The following GPM6A variants were observed in gnomAD, a reference collection of about 807,000 sequenced individuals.
GPM6A encodes the protein neuronal membrane glycoprotein M6-a.
Under a neutral mutation model 32.1 loss-of-function variants are expected in GPM6A, and 7 were observed. The ratio of observed to expected loss-of-function variants is 0.22; its 90% CI spans 0.12 to 0.41. The LOEUF is 0.41. Among genes scored for constraint, GPM6A ranks in the 10% least tolerant of loss-of-function variants. The pLI, the probability that GPM6A is intolerant of heterozygous loss-of-function variation, is 1.00. For synonymous variants in GPM6A, 130 were observed against 123.4 expected (o/e 1.05, Z -0.35); for missense variants, 235 against 347.2 (o/e 0.68, Z 2.57).
intron 1 of GPM6A, among the ~76,000 whole-genome samples, chr4:175,970,535 A>C (rs563077874): frequency 6.6e-6 from 1 of 152,352 alleles, no homozygotes; most frequent in African/African-American, 2.4e-5. Context: ...CAAGGAATAC[A>C]CAGAAAGAGT....
intron 2 of GPM6A, among the ~76,000 whole-genome samples, chr4:175,675,189 C>T (rs1330424482): frequency 6.6e-6 from 1 of 151,016 alleles, no homozygotes; most frequent in Non-Finnish European, 1.5e-5. Flanking sequence ...ATTCATAGTC[C>T]TAGGTGTAGC....
chr4:175,806,077 A>G (rs1409143690), intron 1 of GPM6A: 1 of 152,212 alleles, frequency 6.6e-6, no homozygotes, highest in Non-Finnish European at 1.5e-5. Flanking sequence ...AGGATTTTTG[A>G]AAGTAAGCCA....
chr4:175,969,997 G>T (rs561005998), intron 1 of GPM6A, among the ~76,000 whole-genome samples: 1 of 152,042 alleles, frequency 6.6e-6, no homozygotes, highest in African/African-American at 2.4e-5. Context: ...TTACTTTCAG[G>T]ACCAATTCAG....
chr4:175,934,085 G>A (rs112331785), intron 1 of GPM6A, among the ~76,000 whole-genome samples: 2 of 152,334 alleles, frequency 1.3e-5, no homozygotes, highest in African/African-American at 4.8e-5. Context: ...CCAATCTGTA[G>A]TTGAGGGTTG....
chr4:175,816,430 A>C (rs1220850951), upstream of GPM6A, among the ~76,000 whole-genome samples: 1 of 152,216 alleles, frequency 6.6e-6, no homozygotes, highest in Admixed American at 6.5e-5. Context: ...ACATTATTAT[A>C]TACAATAAGT....
intron 1 of GPM6A, among the ~76,000 whole-genome samples, chr4:175,750,667 G>A (rs10011022): frequency 0.44 from 67,085 of 151,782 alleles, 15,116 homozygotes; most frequent in African/African-American, 0.46. Flanking sequence ...CCACCTCCCG[G>A]GTTCAAGAGA....
At chr4:175,769,808 T>C (rs1733115642) in intron 1 of GPM6A, among the ~76,000 whole-genome samples, 1 of 152,192 alleles carries the variant, frequency 6.6e-6, no homozygotes, top group Non-Finnish European at 1.5e-5. Context: ...ATTGGAAAAG[T>C]TAATGTCCAG....
At chr4:175,752,918 G>A (rs1437879245) in intron 1 of GPM6A, among the ~76,000 whole-genome samples, 3 of 152,242 alleles carry the variant, frequency 2.0e-5, no homozygotes, top group Non-Finnish European at 2.9e-5. Flanking sequence ...AAAGGAAAAC[G>A]TCATGCTTGA....
chr4:175,909,255 G>A (rs1168447723), intron 1 of GPM6A, among the ~76,000 whole-genome samples: 2 of 152,108 alleles, frequency 1.3e-5, no homozygotes. Context: ...TTTAGCTTTA[G>A]TCAAACACAT....
In GPM6A at chr4:175,681,617, C is replaced by T. The variant is rs949272740; in HGVS notation, c.231-7781G>A. Among the ~76,000 whole-genome samples the T allele has an allele frequency of 3.3e-5, 5 of 151,996 alleles. No homozygotes were observed. The East Asian group carries it at 7.7e-4, about 23-fold the overall frequency. On this transcript the variant is annotated intron_variant, in intron 2 of 6. Coordinates refer to ENST00000393658, the MANE Select transcript of GPM6A (RefSeq NM_201591.3). ...TCATGAGAACATATCCCTCCTGGCT[C>T]GGTGCTAACTTAAGAGGGTGTAGCA...
At chr4:175,990,226 A>G (rs1449850381) in intron 1 of GPM6A, among the ~76,000 whole-genome samples, 1 of 152,060 alleles carries the variant, frequency 6.6e-6, no homozygotes, top group Non-Finnish European at 1.5e-5. Context: ...CTTCCTTTTT[A>G]TTACATCTGT....
chr4:175,730,673 C>T (rs888289511), intron 1 of GPM6A, among the ~76,000 whole-genome samples: 8 of 151,708 alleles, frequency 5.3e-5, no homozygotes, highest in Admixed American at 5.3e-4. Context: ...GGGGTTTCAC[C>T]GTGTTAGCCA....
chr4:175,645,330 G>A (rs1560848291), intron 4 of GPM6A, among the ~76,000 whole-genome samples: 1 of 152,180 alleles, frequency 6.6e-6, no homozygotes, highest in African/African-American at 2.4e-5. Flanking sequence ...CGTAATGTGT[G>A]TACACGGTTC....
chr4:175,702,043 ATAAT>A (rs1744909749), intron 1 of GPM6A, among the ~76,000 whole-genome samples: 1 of 152,160 alleles, frequency 6.6e-6, no homozygotes, highest in Non-Finnish European at 1.5e-5. Context: ...ACTTTCTATA[ATAAT>A]TAATCTTCAC....
intron 1 of GPM6A, among the ~76,000 whole-genome samples, chr4:175,968,987 T>A (rs578118901): frequency 6.6e-6 from 1 of 152,230 alleles, no homozygotes; most frequent in Non-Finnish European, 1.5e-5. Flanking sequence ...GTTTCATTCA[T>A]AATTGCAAAT....
At chr4:175,653,443 A>C (rs1560853876) in intron 3 of GPM6A, among the ~76,000 whole-genome samples, 3 of 152,140 alleles carry the variant, frequency 2.0e-5, no homozygotes, top group African/African-American at 7.2e-5. Context: ...AGTTGGGGTC[A>C]ACATCTGTCT....
At chr4:175,719,796 G>T (rs937530722) in intron 1 of GPM6A, among the ~76,000 whole-genome samples, 2 of 152,012 alleles carry the variant, frequency 1.3e-5, no homozygotes, top group South Asian at 4.2e-4. Flanking sequence ...ACTTTAAAAA[G>T]CTAAAACGTA....
At chr4:175,648,693 C>T (rs1252906017) in intron 4 of GPM6A, among the ~76,000 whole-genome samples, 3 of 152,174 alleles carry the variant, frequency 2.0e-5, no homozygotes, top group African/African-American at 7.2e-5. Context: ...TCCAGGCCAC[C>T]CACATGCCTT....
At chr4:175,831,191 T>A (rs1735600303) in intron 1 of GPM6A, among the ~76,000 whole-genome samples, 1 of 152,062 alleles carries the variant, frequency 6.6e-6, no homozygotes, top group Non-Finnish European at 1.5e-5. Context: ...AGAGCCACAC[T>A]CTGGATAAAT....
Sources: allele counts gnomAD v4.1 joint callset (sites outside exome capture counted in the v4.1 genomes callset), GRCh38; gene constraint gnomAD v4.1.1; transcripts MANE v1.5; gene names NCBI Gene and HGNC (gene_info 2026-07-23, HGNC 2026-07-21).